PALLD: variants seen among roughly 807,000 people sequenced by gnomAD.
PALLD encodes palladin, cytoskeletal associated protein, also known as palladin.
PALLD carries 61 observed loss-of-function variants against 123.5 expected under a neutral mutation model. The observed-to-expected ratio is 0.49, with a 90% CI of 0.40 to 0.61. The LOEUF is 0.61. PALLD is among the 20% of genes least tolerant of loss of function. The pLI is 0.00. For missense variants in PALLD, 1,273 were observed against 1,377.0 expected (o/e 0.92, Z 1.20); for synonymous variants, 465 against 496.4 (o/e 0.94, Z 0.84).
At chr4:168,584,129 A>G (rs1770567799) in intron 2 of PALLD, among the ~76,000 whole-genome samples, 1 of 152,160 alleles carries the variant, frequency 6.6e-6, no homozygotes, top group Non-Finnish European at 1.5e-5. Context: ...TCCCATTCCA[A>G]TGTGGCTTTG....
At chr4:168,817,392 C>T (rs62334339) in intron 10 of PALLD, among the ~76,000 whole-genome samples, 18,776 of 152,172 alleles carry the variant, frequency 0.12, 1,390 homozygotes, top group Admixed American at 0.16. Flanking sequence ...GTCCTGAACA[C>T]TGAATTATAA....
chr4:168,556,085 G>A (rs1767255904), intron 2 of PALLD, among the ~76,000 whole-genome samples: 3 of 151,576 alleles, frequency 2.0e-5, no homozygotes, highest in South Asian at 4.2e-4. Context: ...TTCGTAAATG[G>A]AGTTCATATT....
intron 2 of PALLD, among the ~76,000 whole-genome samples, chr4:168,667,091 G>T (rs946065930): frequency 8.6e-5 from 13 of 152,034 alleles, no homozygotes; most frequent in South Asian, 2.1e-4. Flanking sequence ...ATGGTTTCTG[G>T]GGTTGATACT....
intron 2 of PALLD, among the ~76,000 whole-genome samples, chr4:168,615,352 C>T (rs969399995): frequency 6.6e-6 from 1 of 152,136 alleles, no homozygotes; most frequent in East Asian, 1.9e-4. Flanking sequence ...AAGGGAAAAA[C>T]AATTTATCTT....
At chr4:168,628,953 A>G (rs1294799381) in intron 2 of PALLD, among the ~76,000 whole-genome samples, 2 of 151,968 alleles carry the variant, frequency 1.3e-5, no homozygotes, top group African/African-American at 4.8e-5. Flanking sequence ...GGAAAGGACT[A>G]TAAAGTGTAT....
At chr4:168,918,400 T>C (rs913702961) in intron 17 of PALLD, among the ~76,000 whole-genome samples, 6 of 151,916 alleles carry the variant, frequency 3.9e-5, no homozygotes, top group Non-Finnish European at 7.4e-5. Flanking sequence ...TGGATGAACC[T>C]GGAGGACATA....
At chr4:168,764,405 C>T (rs768488784) in intron 10 of PALLD, among the ~76,000 whole-genome samples, 6 of 152,030 alleles carry the variant, frequency 3.9e-5, no homozygotes, top group Non-Finnish European at 7.4e-5. Context: ...CCCCTAGGAA[C>T]ATTTAAAAAA....
intron 10 of PALLD, among the ~76,000 whole-genome samples, chr4:168,878,693 G>GGT (rs1752201851): frequency 6.8e-6 from 1 of 146,984 alleles, no homozygotes; most frequent in African/African-American, 2.6e-5. Context: ...GGGGGGGGGG[G>GGT]TGCTTAGCTA....
chr4:168,670,992 T>G (rs1461656704), intron 3 of PALLD, among the ~76,000 whole-genome samples: 2 of 147,076 alleles, frequency 1.4e-5, no homozygotes, highest in Admixed American at 1.4e-4. Flanking sequence ...CACTCCAGCC[T>G]GGGCAACAGA....
chr4:168,625,038 A>G (rs967844614), intron 2 of PALLD, among the ~76,000 whole-genome samples: 7 of 152,112 alleles, frequency 4.6e-5, no homozygotes, highest in Non-Finnish European at 7.4e-5. Flanking sequence ...AAGAGTTTCT[A>G]TTATTGTTTA....
intron 9 of PALLD, among the ~76,000 whole-genome samples, chr4:168,710,796 C>G (rs1171087439): frequency 6.6e-6 from 1 of 152,130 alleles, no homozygotes; most frequent in African/African-American, 2.4e-5. Flanking sequence ...ACAATATGGC[C>G]AAAACCCTGG....
chr4:168,848,049 C>T (rs1292772593), intron 10 of PALLD, among the ~76,000 whole-genome samples: 1 of 152,080 alleles, frequency 6.6e-6, no homozygotes, highest in Non-Finnish European at 1.5e-5. Context: ...ACTCATTTAA[C>T]CTCTAAGAAA....
chr4:168,690,069 A>C (rs115289782), intron 6 of PALLD, among the ~76,000 whole-genome samples: 14 of 152,340 alleles, frequency 9.2e-5, no homozygotes, highest in Non-Finnish European at 2.1e-4. Context: ...TCAGAATCTC[A>C]AAATGAGAAA....
chr4:168,793,212 T>TATATGTGTGTGCATATATATAC (rs1411907339), intron 10 of PALLD, among the ~76,000 whole-genome samples: 21 of 51,142 alleles, frequency 4.1e-4, no homozygotes, highest in Non-Finnish European at 7.7e-4. Flanking sequence ...TATATATACA[T>TATATGTGTGTGCATATATATAC]ATATATGTGT....
chr4:168,887,622 G>C (rs896818412), intron 10 of PALLD, among the ~76,000 whole-genome samples: 2 of 152,248 alleles, frequency 1.3e-5, no homozygotes, highest in African/African-American at 4.8e-5. Flanking sequence ...AGTCCTTGCT[G>C]ATGTAACAGA....
intron 10 of PALLD, among the ~76,000 whole-genome samples, chr4:168,726,516 A>G (rs748582726): frequency 1.1e-4 from 17 of 152,036 alleles, no homozygotes; most frequent in Non-Finnish European, 2.1e-4. Flanking sequence ...CTTCTCTGAG[A>G]CAAGGTCTCA....
intron 15 of PALLD, among the ~76,000 whole-genome samples, chr4:168,909,504 AAGTAACACACAACTG>A: frequency 6.6e-6 from 1 of 152,190 alleles, no homozygotes; most frequent in African/African-American, 2.4e-5. Context: ...TGGAATGGAA[AAGTAACACACAACTG>A]AGTTAAATAT....
At chr4:168,846,348 T>C (rs979207940) in intron 10 of PALLD, among the ~76,000 whole-genome samples, 1 of 152,246 alleles carries the variant, frequency 6.6e-6, no homozygotes, top group Non-Finnish European at 1.5e-5. Context: ...CTATAGGTAC[T>C]TGGTGATTAT....
chr4:168,806,119 A>G (rs1353657353), intron 10 of PALLD, among the ~76,000 whole-genome samples: 2 of 152,122 alleles, frequency 1.3e-5, no homozygotes, highest in East Asian at 1.9e-4. Flanking sequence ...CTGGAATGCA[A>G]TGGTGCAATC....
Sources: allele counts gnomAD v4.1 joint callset (sites outside exome capture counted in the v4.1 genomes callset), GRCh38; gene constraint gnomAD v4.1.1; transcripts MANE v1.5; gene names NCBI Gene and HGNC (gene_info 2026-07-23, HGNC 2026-07-21).